GALNTL6: variants seen among roughly 807,000 people sequenced by gnomAD.
The protein encoded by GALNTL6 is polypeptide N-acetylgalactosaminyltransferase-like 6.
GALNTL6 carries 46 observed loss-of-function variants against 73.7 expected under a neutral mutation model. The observed-to-expected ratio is 0.62, with a 90% CI of 0.49 to 0.80. The LOEUF is 0.80. Ranked by LOEUF, GALNTL6 falls within the 30% of genes least tolerant of loss-of-function variation. GALNTL6 has a pLI of 0.00. For synonymous variants in GALNTL6, 259 were observed against 263.7 expected (o/e 0.98, Z 0.17); for missense variants, 604 against 755.0 (o/e 0.80, Z 2.34).
chr4:172,308,557 T>G (rs1740239910), intron 3 of GALNTL6, among the ~76,000 whole-genome samples: 1 of 152,174 alleles, frequency 6.6e-6, no homozygotes, highest in African/African-American at 2.4e-5. Flanking sequence ...CTGGATTTTG[T>G]CAGATGCTTT....
intron 5 of GALNTL6, among the ~76,000 whole-genome samples, chr4:172,700,729 C>T (rs1420497843): frequency 1.3e-5 from 2 of 152,158 alleles, no homozygotes; most frequent in East Asian, 1.9e-4. Context: ...TATGGTCAAT[C>T]GCTCACCCCT....
At chr4:172,797,964 C>T (rs940550966) in intron 5 of GALNTL6, among the ~76,000 whole-genome samples, 1 of 152,090 alleles carries the variant, frequency 6.6e-6, no homozygotes, top group Non-Finnish European at 1.5e-5. Context: ...TTAAAAATAG[C>T]TCCAAAGCTC....
intron 5 of GALNTL6, among the ~76,000 whole-genome samples, chr4:172,514,383 G>GTGGGGGAAA (rs1734529501): frequency 6.6e-6 from 1 of 152,124 alleles, no homozygotes; most frequent in Non-Finnish European, 1.5e-5. Flanking sequence ...GGCAGTGCCA[G>GTGGGGGAAA]GCCTCACCCA....
chr4:172,052,078 G>A (rs1730890147), intron 2 of GALNTL6, among the ~76,000 whole-genome samples: 1 of 152,002 alleles, frequency 6.6e-6, no homozygotes, highest in South Asian at 2.1e-4. Context: ...TTACTAATAG[G>A]TCATTTTCAC....
At chr4:172,086,759 T>A (rs1441246466) in intron 2 of GALNTL6, among the ~76,000 whole-genome samples, 1 of 152,160 alleles carries the variant, frequency 6.6e-6, no homozygotes, top group East Asian at 1.9e-4. Context: ...CTTCTTATTA[T>A]AAAAAATAGC....
rs146265502 is a variant in GALNTL6, at chr4:172,212,406, G to T, written c.139-17250G>T. Among the ~76,000 whole-genome samples the T allele has an allele frequency of 4.3e-3, 658 of 152,028 alleles. 7 individuals carry two copies. The highest frequency in any genetic ancestry group is 0.015 in the African/African-American group (630 of 41,464). On this transcript the variant is annotated intron_variant, in intron 2 of 12. Transcript: ENST00000506823. ...TGAACTCCTGACTTTGTGATCCGCC[G>T]CCTCAGCCTCCCAAAGCGCTCAGAT...
chr4:172,727,586 T>G (rs1735894104), intron 5 of GALNTL6, among the ~76,000 whole-genome samples: 1 of 152,196 alleles, frequency 6.6e-6, no homozygotes, highest in African/African-American at 2.4e-5. Context: ...TTAATTGGCC[T>G]TTAAGGAATA....
At chr4:172,538,604 A>T (rs899618400) in intron 5 of GALNTL6, among the ~76,000 whole-genome samples, 2 of 152,226 alleles carry the variant, frequency 1.3e-5, no homozygotes, top group African/African-American at 4.8e-5. Context: ...ATATCAGTGA[A>T]ATAATTTAAA....
chr4:172,227,869 C>T (rs890630715), intron 2 of GALNTL6, among the ~76,000 whole-genome samples: 1 of 152,106 alleles, frequency 6.6e-6, no homozygotes, highest in African/African-American at 2.4e-5. Context: ...TCAGAGAGAG[C>T]TTAAACGCTG....
At chr4:172,111,773 G>A (rs1732858024) in intron 2 of GALNTL6, among the ~76,000 whole-genome samples, 1 of 151,912 alleles carries the variant, frequency 6.6e-6, no homozygotes, top group Non-Finnish European at 1.5e-5. Flanking sequence ...TTTTGGAGCA[G>A]TTTTAGGCTC....
chr4:171,829,620 G>A (rs148842577), intron 2 of GALNTL6, among the ~76,000 whole-genome samples: 37 of 152,062 alleles, frequency 2.4e-4, no homozygotes, highest in African/African-American at 7.7e-4. Flanking sequence ...TTCGTCAAGC[G>A]GTCTCTGGGA....
intron 5 of GALNTL6, among the ~76,000 whole-genome samples, chr4:172,767,289 T>C (rs1738457771): frequency 6.6e-6 from 1 of 152,184 alleles, no homozygotes; most frequent in Admixed American, 6.5e-5. Context: ...AATGAAAATA[T>C]ATCACAGAGG....
chr4:172,134,184 C>A (rs1326466613), intron 2 of GALNTL6, among the ~76,000 whole-genome samples: 1 of 152,004 alleles, frequency 6.6e-6, no homozygotes, highest in African/African-American at 2.4e-5. Flanking sequence ...GAGGTCGAGA[C>A]CATCCTGGCT....
chr4:172,321,568 G>A (rs1740756732), intron 4 of GALNTL6, among the ~76,000 whole-genome samples: 1 of 151,944 alleles, frequency 6.6e-6, no homozygotes, highest in Non-Finnish European at 1.5e-5. Flanking sequence ...ACAAAGAAAG[G>A]TATTAAGATA....
chr4:171,852,286 T>A (rs1307579742), intron 2 of GALNTL6, among the ~76,000 whole-genome samples: 1 of 152,230 alleles, frequency 6.6e-6, no homozygotes, highest in African/African-American at 2.4e-5. Flanking sequence ...TGGCTCTTAT[T>A]CAAAGCAGCT....
intron 5 of GALNTL6, among the ~76,000 whole-genome samples, chr4:172,525,864 A>G (rs1353437316): frequency 1.3e-5 from 2 of 152,336 alleles, no homozygotes; most frequent in East Asian, 3.9e-4. Context: ...CCCTGTCCCA[A>G]AAAAATAAAA....
At chr4:172,513,801 C>T (rs1734508968) in intron 5 of GALNTL6, among the ~76,000 whole-genome samples, 1 of 152,214 alleles carries the variant, frequency 6.6e-6, no homozygotes, top group African/African-American at 2.4e-5. Context: ...AGCACCTGCT[C>T]TGTTGGAGGT....
intron 5 of GALNTL6, among the ~76,000 whole-genome samples, chr4:172,739,260 A>G (rs961661404): frequency 6.6e-6 from 1 of 152,072 alleles, no homozygotes; most frequent in Non-Finnish European, 1.5e-5. Flanking sequence ...GTGGATGACT[A>G]TTTTTCTTTG....
chr4:171,989,104 C>T (rs772319146), intron 2 of GALNTL6, among the ~76,000 whole-genome samples: 1 of 152,014 alleles, frequency 6.6e-6, no homozygotes, highest in African/African-American at 2.4e-5. Flanking sequence ...GGTTTAGAAG[C>T]CTGGCCGTCA....
Sources: allele counts gnomAD v4.1 joint callset (sites outside exome capture counted in the v4.1 genomes callset), GRCh38; gene constraint gnomAD v4.1.1; transcripts MANE v1.5; gene names NCBI Gene and HGNC (gene_info 2026-07-23, HGNC 2026-07-21).